Variants in TANC2 observed in about 807,000 individuals in gnomAD.
The protein encoded by TANC2 is tetratricopeptide repeat, ankyrin repeat and coiled-coil containing 2, also known as protein TANC2.
Under a neutral mutation model 210.5 loss-of-function variants are expected in TANC2, and 26 were observed. The ratio of observed to expected loss-of-function variants is 0.12; its 90% CI spans 0.09 to 0.17. The LOEUF is 0.17. Among genes scored for constraint, TANC2 ranks in the 10% least tolerant of loss-of-function variants. The pLI is 1.00. For missense variants in TANC2, 2,129 were observed against 2,608.9 expected (o/e 0.82, Z 4.01); for synonymous variants, 931 against 967.1 (o/e 0.96, Z 0.69).
intron 1 of TANC2, chr17:62,968,528 G>C (rs1277665956): frequency 1.3e-5 from 2 of 152,246 alleles, no homozygotes; most frequent in Non-Finnish European, 2.9e-5. Context: ...CTGAAGAACA[G>C]AGGAAAGGGC....
intron 5 of TANC2, among the ~76,000 whole-genome samples, chr17:63,168,429 G>A (rs919796311): frequency 1.2e-4 from 18 of 152,238 alleles, no homozygotes; most frequent in African/African-American, 4.3e-4. Context: ...ACCTGCAAGG[G>A]ACCATTCTTC....
chr17:63,032,737 A>G (rs1015478495), intron 2 of TANC2, among the ~76,000 whole-genome samples: 2 of 152,172 alleles, frequency 1.3e-5, no homozygotes, highest in African/African-American at 4.8e-5. Context: ...CTATACTCAC[A>G]CATTCTGACA....
At position 63,395,764 on chromosome 17, in the gene TANC2, G is replaced by A. The variant is rs778414080; in HGVS notation, c.3073G>A (p.Gly1025Arg). Residue 1025 changes from glycine (G) to arginine (R), a missense_variant, in exon 18 of 28, where the codon GGG becomes AGG. Around this residue, in one of 5 missense-constraint regions of TANC2, gnomAD observed 644 missense variants for 937.5 expected, o/e 0.69. Coordinates refer to ENST00000689528, the Ensembl canonical transcript of TANC2. ...TTAGGTGGATCATTTGGATAAGAAC[G>A]GGCAGTGTGCTTTGGTTCATGCTGC... 4.3e-6 allele frequency: 7 copies of A among 1,613,268 alleles called. No individual in the cohort carries two copies. The highest frequency in any genetic ancestry group is 1.6e-4 in the Middle Eastern group (1 of 6,066).
At position 63,325,273 on chromosome 17, in the gene TANC2, C is replaced by A. The variant is rs190143015; in HGVS notation, c.1575+6183C>A. Among the ~76,000 whole-genome samples, 22 of 152,252 alleles carry A rather than the reference C, an allele frequency of 1.4e-4. 1 individual carries two copies. The highest frequency in any genetic ancestry group is 1.3e-3 in the Admixed American group (20 of 15,298). On this transcript the variant is annotated intron_variant, in intron 11 of 27. Coordinates refer to ENST00000689528, the Ensembl canonical transcript of TANC2. The stretch of plus-strand genomic sequence containing the variant: ...AACCTCGCCATGCCCTATCTTCCAC[C>A]ATTCCCCACTCACTTATATGCTAGC...
chr17:63,394,424 T>G (rs2048089508), intron 17 of TANC2, among the ~76,000 whole-genome samples: 1 of 152,228 alleles, frequency 6.6e-6, no homozygotes, highest in East Asian at 1.9e-4. Context: ...CTTACCCCAG[T>G]CCTGGAATCA....
chr17:63,090,176 A>T (rs758763565), intron 3 of TANC2, among the ~76,000 whole-genome samples: 1 of 150,498 alleles, frequency 6.6e-6, no homozygotes, highest in Non-Finnish European at 1.5e-5. Context: ...GCCATGTAGT[A>T]TATAGTCTTT....
intron 10 of TANC2, 84 bp from the exon 11 acceptor site, chr17:63,318,873 A>G: frequency 6.7e-7 from 1 of 1,483,998 alleles, no homozygotes; most frequent in Non-Finnish European, 9.3e-7. Flanking sequence ...GAATTGTTAG[A>G]TCATAGAACA....
Position 63,420,299 on chromosome 17 carries a change from C to T in TANC2, c.4569C>T (p.Val1523=), listed in dbSNP as rs761772832. 6.2e-7 allele frequency: 1 copy of T among 1,613,934 alleles called. No homozygotes were observed. ...CCCGGCCCAGCCAGGGGCTCCCGGT[C>T]ATCCAGAGCCCACCCTCCTCTCCCC... is the stretch of plus-strand genomic sequence containing the variant. The change falls in exon 28 of 28, where the codon GTC becomes GTT. Residue 1523 remains valine (V), a synonymous_variant. Coordinates refer to ENST00000689528, the Ensembl canonical transcript of TANC2. The surrounding 1 kb of genome is among the most constrained non-coding windows in gnomAD (Gnocchi z 4.2).
At chr17:63,239,147 C>CT (rs1489522441) in intron 8 of TANC2, among the ~76,000 whole-genome samples, 105 of 141,798 alleles carry the variant, frequency 7.4e-4, no homozygotes, top group African/African-American at 2.6e-3. Flanking sequence ...GACCTTGTCT[C>CT]TAAAAAAAAA....
chr17:63,061,083 A>G (rs1416083412), intron 2 of TANC2, among the ~76,000 whole-genome samples: 1 of 152,008 alleles, frequency 6.6e-6, no homozygotes, highest in Non-Finnish European at 1.5e-5. Flanking sequence ...TTTAAAGATT[A>G]TGGCCAGGCA....
intron 3 of TANC2, among the ~76,000 whole-genome samples, chr17:63,085,613 C>A (rs971330792): frequency 6.6e-5 from 10 of 151,936 alleles, no homozygotes; most frequent in African/African-American, 2.4e-4. Context: ...CTAATTCCTC[C>A]CTGGCATCCC....
intron 3 of TANC2, among the ~76,000 whole-genome samples, chr17:63,075,878 G>A (rs1017293194): frequency 6.6e-6 from 1 of 152,098 alleles, no homozygotes. Flanking sequence ...AATAGTATTA[G>A]GAGTAAAAGA....
Position 63,388,735 on chromosome 17 carries a change from ATC to A in TANC2, c.2796_2797del (p.Tyr933HisfsTer18). 1 of 1,569,780 alleles carries A rather than the reference ATC, an allele frequency of 6.4e-7. No homozygotes were observed. The highest frequency in any genetic ancestry group is 8.7e-7 in the Non-Finnish European group (1 of 1,155,890). On this transcript the variant is annotated frameshift_variant, in exon 16 of 28. Transcript: ENST00000689528. LOFTEE classifies it high-confidence loss of function. ...TCCATGGCACTGGCGTCTTTACGAA[ATC>A]TCTACACTCCAAATATAAAGGTAAA...
intron 2 of TANC2, among the ~76,000 whole-genome samples, chr17:63,039,822 T>A (rs758266287): frequency 3.9e-5 from 6 of 152,054 alleles, no homozygotes; most frequent in Non-Finnish European, 7.4e-5. Flanking sequence ...TATAAAGAGG[T>A]TCAGGTATAT....
chr17:63,222,585 A>G (rs2042222467), intron 7 of TANC2, among the ~76,000 whole-genome samples: 1 of 152,184 alleles, frequency 6.6e-6, no homozygotes. Flanking sequence ...ATTGACCGCA[A>G]AATGTTAGGA....
At chr17:63,163,005 G>A (rs2040080429) in intron 5 of TANC2, among the ~76,000 whole-genome samples, 1 of 151,868 alleles carries the variant, frequency 6.6e-6, no homozygotes, top group Non-Finnish European at 1.5e-5. Flanking sequence ...ACCAGGGTTG[G>A]GGTTTGGCCA....
At position 63,174,592 on chromosome 17, in the gene TANC2, T is replaced by C. The variant is rs561163072; in HGVS notation, c.434-19399T>C. Among the ~76,000 whole-genome samples, 639 of 152,328 alleles carry C rather than the reference T, an allele frequency of 4.2e-3. 5 individuals carry two copies. The highest frequency in any genetic ancestry group is 0.015 in the African/African-American group (612 of 41,564). Reference sequence around the variant, plus strand: ...CCAAATTTGGTGTAAATAAAGCCCCTGGTAACCTGCTTTGATATGTCAGTA... The same window carrying C: ...CCAAATTTGGTGTAAATAAAGCCCCCGGTAACCTGCTTTGATATGTCAGTA... On this transcript the variant is annotated intron_variant, in intron 5 of 27. Coordinates refer to ENST00000689528, the Ensembl canonical transcript of TANC2.
At chr17:63,045,246 TA>T (rs1268306771) in intron 2 of TANC2, among the ~76,000 whole-genome samples, 1 of 152,204 alleles carries the variant, frequency 6.6e-6, no homozygotes, top group Non-Finnish European at 1.5e-5. Context: ...CTGCAAAGCC[TA>T]AAATATTTAC....
intron 11 of TANC2, among the ~76,000 whole-genome samples, chr17:63,337,334 A>G (rs968643773): frequency 2.0e-5 from 3 of 152,094 alleles, no homozygotes; most frequent in Admixed American, 2.0e-4. Flanking sequence ...TGGATATCAT[A>G]TTTTTTACTA....
Sources: gnomAD v4.1 joint callset for allele counts (sites outside exome capture counted in the v4.1 genomes callset) on GRCh38, gnomAD v4.1.1 for gene constraint, gnomAD v4.1.1 regional missense constraint, Gnocchi (gnomAD v3.1) non-coding constraint, MANE v1.5 for transcripts, NCBI Gene and HGNC (gene_info 2026-07-23, HGNC 2026-07-21) for gene names.